Variants in SLC25A17 observed in about 807,000 individuals in gnomAD.
SLC25A17 encodes solute carrier family 25 member 17.
In SLC25A17, 26 loss-of-function variants were observed where a neutral mutation model predicts 38.5. That is an observed-to-expected ratio of 0.68 (90% CI 0.50 to 0.94). The LOEUF is 0.94. SLC25A17 is among the 40% of genes least tolerant of loss of function. The probability of loss-of-function intolerance (pLI) is 0.00; values close to 1 mark genes in which losing one functional copy is unlikely to be tolerated. For synonymous variants in SLC25A17, 139 were observed against 136.2 expected, an observed-to-expected ratio of 1.02 and a Z score of -0.14; for missense variants, 333 against 372.7, an observed-to-expected ratio of 0.89 and a Z score of 0.88.
Position 40,770,879 on chromosome 22 carries a change from A to G in SLC25A17, c.879T>C (p.Ala293=), listed in dbSNP as rs905584557. 6 of 1,613,384 alleles carry G rather than the reference A, an allele frequency of 3.7e-6. No homozygotes were observed. The African/African-American group carries it at 6.7e-5, about 18-fold the overall frequency. ...LMFLVYEKLT[A]ATFTVMGLKR... ...TCAGCCCCATAACTGTGAAGGTGGC[A>G]GCTGTCAGTTTCTCATAAACAAGGA... Residue 293 remains alanine, a synonymous_variant, in exon 9 of 9, where the codon GCT becomes GCC. Coordinates refer to ENST00000435456, the MANE Select transcript of SLC25A17 (RefSeq NM_006358.4).
intron 1 of SLC25A17, among the ~76,000 whole-genome samples, chr22:40,801,275 T>C (rs769174336): frequency 2.1e-4 from 32 of 151,456 alleles, no homozygotes; most frequent in Admixed American, 5.9e-4. Flanking sequence ...AATACTCTAA[T>C]ATTTGTATTC....
intron 1 of SLC25A17, among the ~76,000 whole-genome samples, chr22:40,807,558 G>A (rs2057540873): frequency 6.6e-6 from 1 of 152,160 alleles, no homozygotes; most frequent in South Asian, 2.1e-4. Flanking sequence ...GACCATCTTG[G>A]CTAACATAGT....
chr22:40,815,626 T>C (rs888667978), intron 1 of SLC25A17, among the ~76,000 whole-genome samples: 14 of 152,228 alleles, frequency 9.2e-5, no homozygotes, highest in Non-Finnish European at 1.5e-4. Context: ...TGAATAATTA[T>C]GGTCTTACTA....
intron 7 of SLC25A17, among the ~76,000 whole-genome samples, chr22:40,774,825 G>A (rs2057224335): frequency 6.6e-6 from 1 of 152,136 alleles, no homozygotes; most frequent in Non-Finnish European, 1.5e-5. Flanking sequence ...GCTTTTAACA[G>A]AAGGTACTAA....
At chr22:40,777,867 T>C (rs571912725) in intron 5 of SLC25A17, among the ~76,000 whole-genome samples, 2 of 152,216 alleles carry the variant, frequency 1.3e-5, no homozygotes, top group South Asian at 2.1e-4. Context: ...TAATCAGACA[T>C]TGACAGTCAC....
At chr22:40,807,340 A>C (rs953384006) in intron 1 of SLC25A17, among the ~76,000 whole-genome samples, 1 of 152,216 alleles carries the variant, frequency 6.6e-6, no homozygotes, top group Non-Finnish European at 1.5e-5. Flanking sequence ...AAGGTACAGC[A>C]ATTTTCCTAA....
chr22:40,810,670 C>T (rs748434282), intron 1 of SLC25A17, among the ~76,000 whole-genome samples: 1 of 152,014 alleles, frequency 6.6e-6, no homozygotes, highest in Non-Finnish European at 1.5e-5. Flanking sequence ...AATTTTTAAT[C>T]GATCAAAGCA....
intron 1 of SLC25A17, among the ~76,000 whole-genome samples, chr22:40,809,224 G>A (rs1240008819): frequency 1.3e-5 from 2 of 151,976 alleles, no homozygotes; most frequent in East Asian, 3.9e-4. Flanking sequence ...GGGCTCAGTG[G>A]CTCATGCCTG....
chr22:40,782,663 CA>C (rs1182341844), intron 4 of SLC25A17, among the ~76,000 whole-genome samples: 1 of 152,148 alleles, frequency 6.6e-6, no homozygotes, highest in East Asian at 1.9e-4. Context: ...ACAAATCTAA[CA>C]AATCTCACTT....
At chr22:40,803,586 T>G (rs1018642354) in intron 1 of SLC25A17, among the ~76,000 whole-genome samples, 4 of 152,244 alleles carry the variant, frequency 2.6e-5, no homozygotes, top group Admixed American at 2.6e-4. Flanking sequence ...TTTTTTCTAC[T>G]GTGAATAGCA....
In SLC25A17 at chr22:40,777,243, T is replaced by A. The variant is rs1473002578; in HGVS notation, c.582A>T (p.Leu194Phe). ...MFYEGLKRQL[L>F]KKRMKLSSLD... Reference sequence around the variant, plus strand: ...CAAGGATTACCTTCATCCGTTTCTTTAAAAGCTGCCGTTTTAAACCTTCAT... The same window carrying A: ...CAAGGATTACCTTCATCCGTTTCTTAAAAAGCTGCCGTTTTAAACCTTCAT... The change falls in exon 6 of 9, where the codon TTA becomes TTT. Residue 194 changes from leucine to phenylalanine, a missense_variant. By Grantham distance (22) the Leu-to-Phe change is conservative. Transcript: ENST00000435456. 1 of 1,613,952 alleles carries A rather than the reference T, an allele frequency of 6.2e-7. No homozygotes were observed. Among genetic ancestry groups the A allele is most frequent in the Non-Finnish European group, 8.5e-7 (1 of 1,179,944 alleles).
intron 4 of SLC25A17, among the ~76,000 whole-genome samples, chr22:40,786,450 A>G (rs1206918592): frequency 2.6e-5 from 4 of 152,198 alleles, no homozygotes; most frequent in Non-Finnish European, 5.9e-5. Context: ...ACCCCCTTGG[A>G]TATCAAGATC....
rs71200615 is a variant in SLC25A17 at position 40,775,436 on chromosome 22, GTTTTTTTTTTTTTTTTTTTTTTT to G, written c.694-1440_694-1418del. Among the ~76,000 whole-genome samples, 163 of 86,840 alleles carry G rather than the reference GTTTTTTTTTTTTTTTTTTTTTTT, an allele frequency of 1.9e-3. 2 individuals carry two copies. The highest frequency in any genetic ancestry group is 7.7e-3 in the East Asian group (28 of 3,636). 57.0% of individuals were successfully genotyped at this position (86,840 alleles called of 152,430 possible). ...TGAATAAGTCTCATGAGATCTGATGGTTTTTTTTTTTTTTTTTTTTTTTTTTTTTTTTTTTTTTGAGACGGAGT... is the reference window on the plus strand; with the variant it reads ...TGAATAAGTCTCATGAGATCTGATGGTTTTTTTTTTTTTTTGAGACGGAGT... On this transcript the variant is annotated intron_variant, in intron 7 of 8. Coordinates refer to ENST00000435456, the MANE Select transcript of SLC25A17 (RefSeq NM_006358.4).
intron 4 of SLC25A17, chr22:40,788,860 A>G (rs758958339): frequency 3.2e-5 from 8 of 253,666 alleles, no homozygotes; most frequent in African/African-American, 4.6e-5. Flanking sequence ...AAATCTAGTC[A>G]TTTCTTAGCT....
intron 2 of SLC25A17, among the ~76,000 whole-genome samples, chr22:40,796,078 C>G (rs2057426867): frequency 6.6e-6 from 1 of 152,110 alleles, no homozygotes; most frequent in Non-Finnish European, 1.5e-5. Flanking sequence ...CGTCAGCCAC[C>G]ACACCCGGCC....
intron 1 of SLC25A17, among the ~76,000 whole-genome samples, chr22:40,803,224 G>A (rs2057498696): frequency 6.6e-6 from 1 of 152,154 alleles, no homozygotes. Flanking sequence ...TTCCCGAGTA[G>A]CTGGAACTGC....
chr22:40,784,438 G>C (rs2057319381), intron 4 of SLC25A17: 1 of 152,392 alleles, frequency 6.6e-6, no homozygotes, highest in African/African-American at 2.4e-5. Context: ...TAAGAAGGTA[G>C]ATTTAATATC....
intron 4 of SLC25A17, 127 bp downstream of exon 4, chr22:40,792,398 A>G: frequency 3.7e-6 from 3 of 804,564 alleles, no homozygotes; most frequent in Non-Finnish European, 3.7e-6. Context: ...CAATTAAAAA[A>G]AAAAAAACCA....
At chr22:40,774,075 T>C (rs548666391) in intron 7 of SLC25A17, 56 bp from the exon 8 acceptor site, 1 of 1,049,476 alleles carries the variant, frequency 9.5e-7, no homozygotes, top group East Asian at 2.4e-5. Flanking sequence ...AAAATCTTCA[T>C]TTTTACCTGG....
Sources: allele counts gnomAD v4.1 joint callset (sites outside exome capture counted in the v4.1 genomes callset), GRCh38; gene constraint gnomAD v4.1.1; transcripts MANE v1.5; gene names NCBI Gene and HGNC (gene_info 2026-07-23, HGNC 2026-07-21).